PRPSAP2: variants seen among roughly 807,000 people sequenced by gnomAD.
The protein encoded by PRPSAP2 is phosphoribosyl pyrophosphate synthase-associated protein 2.
Under a neutral mutation model 40.6 loss-of-function variants are expected in PRPSAP2, and 24 were observed. The observed-to-expected ratio is 0.59, with a 90% CI of 0.43 to 0.83. The LOEUF (loss-of-function observed/expected upper bound fraction) is 0.83, where lower values mean the gene tolerates loss of function less well. PRPSAP2 is among the 40% of genes least tolerant of loss of function. The probability of loss-of-function intolerance (pLI) is 0.00; values close to 1 mark genes in which losing one functional copy is unlikely to be tolerated. For synonymous variants in PRPSAP2, 149 were observed against 164.7 expected (o/e 0.90, Z 0.73); for missense variants, 292 against 465.6 (o/e 0.63, Z 3.43).
intron 2 of PRPSAP2, 21 bp from the exon 3 acceptor site, chr17:18,865,781 A>G: frequency 1.5e-6 from 2 of 1,325,282 alleles, no homozygotes; most frequent in Non-Finnish European, 2.0e-6. Flanking sequence ...GCAGTTTTTA[A>G]TAAGTATTAT....
At chr17:18,862,855 C>G (rs1279179446) in intron 1 of PRPSAP2, among the ~76,000 whole-genome samples, 1 of 151,794 alleles carries the variant, frequency 6.6e-6, no homozygotes, top group Non-Finnish European at 1.5e-5. Flanking sequence ...GAGTCTCGCT[C>G]TGTCTCCCAG....
intron 8 of PRPSAP2, among the ~76,000 whole-genome samples, chr17:18,910,532 A>G (rs1338325880): frequency 1.3e-5 from 2 of 152,134 alleles, no homozygotes; most frequent in Admixed American, 1.3e-4. Flanking sequence ...CTGGGGCAAC[A>G]CTTAGTGAAA....
chr17:18,895,512 T>C (rs1056609794), intron 8 of PRPSAP2, among the ~76,000 whole-genome samples: 1 of 152,032 alleles, frequency 6.6e-6, no homozygotes, highest in African/African-American at 2.4e-5. Context: ...TATTCTGACA[T>C]TGGGCTTTTT....
At chr17:18,890,587 C>A (rs1220225725) in intron 8 of PRPSAP2, among the ~76,000 whole-genome samples, 1 of 152,210 alleles carries the variant, frequency 6.6e-6, no homozygotes, top group Non-Finnish European at 1.5e-5. Context: ...GCTGGGATTA[C>A]AGGCATGAGC....
intron 4 of PRPSAP2, 115 bp from the exon 5 acceptor site, chr17:18,872,468 A>G (rs2037962424): frequency 3.9e-6 from 3 of 763,006 alleles, no homozygotes; most frequent in East Asian, 5.0e-5. Context: ...TGAGTCTTAT[A>G]ACAGTTTGAG....
chr17:18,864,296 G>GTT (rs1026997734), intron 1 of PRPSAP2, among the ~76,000 whole-genome samples: 3 of 145,434 alleles, frequency 2.1e-5, no homozygotes. Flanking sequence ...CATGTTTCAG[G>GTT]TTTTTTTTTT....
chr17:18,872,694 C>A, intron 5 of PRPSAP2, 45 bp downstream of exon 5: 1 of 1,466,066 alleles, frequency 6.8e-7, no homozygotes, highest in Non-Finnish European at 9.5e-7. Flanking sequence ...TCAGTTTAGG[C>A]ATGAGTGTTT....
At chr17:18,867,482 G>GTATAA in intron 4 of PRPSAP2, 148 bp downstream of exon 4, 1 of 885,586 alleles carries the variant, frequency 1.1e-6, no homozygotes. Flanking sequence ...GAACAGAGTG[G>GTATAA]TTTTTTAGCT....
chr17:18,872,146 G>A (rs1399764014), intron 4 of PRPSAP2, among the ~76,000 whole-genome samples: 6 of 152,088 alleles, frequency 3.9e-5, no homozygotes, highest in Admixed American at 1.3e-4. Flanking sequence ...GGTGGCGGGC[G>A]CCTGTAGTTC....
rs2042210966 is a variant in PRPSAP2 at position 18,930,601 on chromosome 17, CTG to C, written c.1016_1017del (p.Val339GlyfsTer30). 6.2e-7 allele frequency: 1 copy of C among 1,608,736 alleles called. No individual in the cohort carries two copies. The highest frequency in any genetic ancestry group is 8.5e-7 in the Non-Finnish European group (1 of 1,177,174). On this transcript the variant is annotated frameshift_variant, in exon 12 of 12. Transcript: ENST00000268835. LOFTEE classifies it high-confidence loss of function. ...AAGCTCCAGTGCCCCAAGATTAAAA[CTG>C]TGGATATCAGCATGATCCTTTCAGA...
intron 7 of PRPSAP2, among the ~76,000 whole-genome samples, chr17:18,887,301 T>C (rs564449086): frequency 1.1e-4 from 17 of 152,022 alleles, no homozygotes; most frequent in South Asian, 6.2e-4. Flanking sequence ...TCTGGAGACA[T>C]TTTAAATGGG....
intron 9 of PRPSAP2, among the ~76,000 whole-genome samples, chr17:18,922,447 T>A (rs2041736772): frequency 6.6e-6 from 1 of 152,106 alleles, no homozygotes; most frequent in African/African-American, 2.4e-5. Context: ...TCAACACTTA[T>A]TTTCTACTTT....
chr17:18,873,962 T>A (rs1434399777), intron 5 of PRPSAP2, among the ~76,000 whole-genome samples: 1 of 151,952 alleles, frequency 6.6e-6, no homozygotes, highest in Admixed American at 6.6e-5. Context: ...TGGAGTGCAG[T>A]GGTGAGATCA....
At chr17:18,899,017 G>A (rs1398429225) in intron 8 of PRPSAP2, among the ~76,000 whole-genome samples, 1 of 152,056 alleles carries the variant, frequency 6.6e-6, no homozygotes, top group African/African-American at 2.4e-5. Context: ...CGATTCTCCT[G>A]CCTCAGCCTC....
intron 9 of PRPSAP2, among the ~76,000 whole-genome samples, chr17:18,921,715 G>T (rs554675155): frequency 1.4e-4 from 21 of 152,244 alleles, no homozygotes; most frequent in Middle Eastern, 3.4e-3. Context: ...ACGTAGGGTG[G>T]TCCCTTGCAG....
intron 9 of PRPSAP2, among the ~76,000 whole-genome samples, chr17:18,912,325 C>G (rs185995476): frequency 6.5e-4 from 99 of 152,216 alleles, no homozygotes; most frequent in Admixed American, 6.4e-3. Context: ...GGGCACTGAC[C>G]CCCTTCGTAG....
At chr17:18,902,920 G>T (rs2040368929) in intron 8 of PRPSAP2, among the ~76,000 whole-genome samples, 1 of 147,832 alleles carries the variant, frequency 6.8e-6, no homozygotes. Context: ...CCTCCACTCA[G>T]TCTTTACCGA....
At position 18,865,807 on chromosome 17, in the gene PRPSAP2, GA is replaced by G; in HGVS notation, c.-23del. ...TAAGTATTATATCCTTCTAGGCTCT[GA>G]AAATTGGAAAACCAAGAAGGTTTTG... is the stretch of plus-strand genomic sequence containing the variant. On this transcript the variant is annotated 5_prime_UTR_variant, in exon 3 of 12. Coordinates refer to ENST00000268835, the MANE Select transcript of PRPSAP2 (RefSeq NM_002767.4). The G allele has an allele frequency of 6.9e-7, 1 of 1,445,614 alleles. No homozygotes were observed. Among genetic ancestry groups the G allele is most frequent in the South Asian group, 1.6e-5 (1 of 62,340 alleles). The allele number at this position is 1,445,614 out of a possible 1,614,324, so 89.5% of individuals were successfully genotyped here. A position where few individuals can be genotyped will look rare whatever the true frequency, so the allele number is the denominator to read the frequency against.
chr17:18,929,863 A>G (rs1254514212), intron 11 of PRPSAP2: 2 of 152,102 alleles, frequency 1.3e-5, no homozygotes, highest in Non-Finnish European at 2.9e-5. Context: ...CTTCTCTTGG[A>G]TACGTACCTA....
Sources: gnomAD v4.1 joint callset for allele counts (sites outside exome capture counted in the v4.1 genomes callset) on GRCh38, gnomAD v4.1.1 for gene constraint, MANE v1.5 for transcripts, NCBI Gene and HGNC (gene_info 2026-07-23, HGNC 2026-07-21) for gene names.